Variants in SNX29 observed in about 807,000 individuals in gnomAD.
SNX29 encodes sorting nexin-29.
Under a neutral mutation model 102.1 loss-of-function variants are expected in SNX29, and 78 were observed. The ratio of observed to expected loss-of-function variants is 0.76; its 90% CI spans 0.64 to 0.92. SNX29 has a LOEUF of 0.92. Ranked by LOEUF, SNX29 falls within the 40% of genes least tolerant of loss-of-function variation. SNX29 has a pLI of 0.00. For synonymous variants in SNX29, 580 were observed against 414.5 expected, an observed-to-expected ratio of 1.40 and a Z score of -4.85; for missense variants, 1,280 against 1,061.7, an observed-to-expected ratio of 1.21 and a Z score of -2.86.
chr16:12,500,263 G>T (rs2151890787), intron 19 of SNX29, among the ~76,000 whole-genome samples: 1 of 152,314 alleles, frequency 6.6e-6, no homozygotes, highest in Middle Eastern at 3.4e-3. Flanking sequence ...CTCCCAAAGT[G>T]CTAGGATTAT....
chr16:12,090,772 A>T (rs1264200450), intron 11 of SNX29, among the ~76,000 whole-genome samples: 1 of 152,068 alleles, frequency 6.6e-6, no homozygotes, highest in Non-Finnish European at 1.5e-5. Context: ...GCACTTTGGG[A>T]GGCTGAAGCA....
At chr16:12,103,411 T>C (rs2053100410) in intron 11 of SNX29, among the ~76,000 whole-genome samples, 1 of 152,062 alleles carries the variant, frequency 6.6e-6, no homozygotes, top group Admixed American at 6.6e-5. Flanking sequence ...CAAATGATCT[T>C]TGACAAACCT....
intron 13 of SNX29, among the ~76,000 whole-genome samples, chr16:12,166,521 G>C (rs544132096): frequency 8.3e-4 from 127 of 152,368 alleles, no homozygotes; most frequent in African/African-American, 2.9e-3. Flanking sequence ...GAGTCTTGTA[G>C]TGTGCAGGGG....
intron 14 of SNX29, among the ~76,000 whole-genome samples, chr16:12,226,324 T>C (rs903632113): frequency 2.0e-5 from 3 of 152,182 alleles, no homozygotes; most frequent in African/African-American, 7.2e-5. Flanking sequence ...AGGAGAATGT[T>C]CTTATGATTT....
intron 15 of SNX29, among the ~76,000 whole-genome samples, chr16:12,322,900 G>A: frequency 6.8e-6 from 1 of 146,794 alleles, no homozygotes; most frequent in Admixed American, 6.7e-5. Flanking sequence ...ACCACTGTCA[G>A]GATGCGGTCA....
intron 15 of SNX29, among the ~76,000 whole-genome samples, chr16:12,290,317 C>T (rs1459393482): frequency 6.6e-6 from 1 of 152,156 alleles, no homozygotes; most frequent in Non-Finnish European, 1.5e-5. Flanking sequence ...GGTGTAAGGT[C>T]CCACCTGGAA....
chr16:12,269,903 C>T (rs890599491), intron 14 of SNX29, among the ~76,000 whole-genome samples: 5 of 151,830 alleles, frequency 3.3e-5, no homozygotes, highest in Non-Finnish European at 5.9e-5. Context: ...CTCTGTTGCC[C>T]AGGCTGGAGT....
chr16:12,294,556 G>A (rs1241961704), intron 15 of SNX29, among the ~76,000 whole-genome samples: 1 of 152,136 alleles, frequency 6.6e-6, no homozygotes, highest in Non-Finnish European at 1.5e-5. Flanking sequence ...TAGCATTCTG[G>A]ATGGCTGTGG....
At chr16:12,492,037 A>AT (rs1454328889) in intron 19 of SNX29, among the ~76,000 whole-genome samples, 1 of 152,248 alleles carries the variant, frequency 6.6e-6, no homozygotes, top group East Asian at 1.9e-4. Flanking sequence ...TCCTTTGGGT[A>AT]TATACCCAGT....
At chr16:12,109,119 C>A (rs1451745470) in intron 11 of SNX29, among the ~76,000 whole-genome samples, 5 of 96,152 alleles carry the variant, frequency 5.2e-5, no homozygotes, top group South Asian at 7.8e-4. Context: ...TAGAGTGAGG[C>A]GCTGTCTCAA....
Position 12,568,985 on chromosome 16 carries a change from G to A in SNX29, c.*356G>A, listed in dbSNP as rs578004009. The A allele has an allele frequency of 4.8e-5, 16 of 334,388 alleles. No individual in the cohort carries two copies. The highest frequency in any genetic ancestry group is 2.0e-4 in the East Asian group (4 of 19,542). The allele number at this position is 334,388 out of a possible 1,614,324, so 20.7% of individuals were successfully genotyped here. A position where few individuals can be genotyped will look rare whatever the true frequency, so the allele number is the denominator to read the frequency against. The stretch of plus-strand genomic sequence containing the variant: ...GGGTGCGCCATGGTTGAGAGGCAAA[G>A]GTGATCCCCTATATAGGAAGGTTCA... On this transcript the variant is annotated 3_prime_UTR_variant, in exon 21 of 21. Transcript: ENST00000566228.
intron 16 of SNX29, among the ~76,000 whole-genome samples, chr16:12,382,665 G>T (rs556701899): frequency 6.6e-6 from 1 of 152,350 alleles, no homozygotes; most frequent in South Asian, 2.1e-4. Flanking sequence ...TTTGCTCGCA[G>T]TTCTGGAGGC....
intron 13 of SNX29, among the ~76,000 whole-genome samples, chr16:12,137,185 C>T (rs2054695122): frequency 6.6e-6 from 1 of 152,220 alleles, no homozygotes; most frequent in Non-Finnish European, 1.5e-5. Context: ...ACGGTTACAT[C>T]AGCTGAGGCT....
At chr16:12,404,701 C>T (rs921321907) in intron 18 of SNX29, among the ~76,000 whole-genome samples, 3 of 152,110 alleles carry the variant, frequency 2.0e-5, no homozygotes, top group Admixed American at 6.5e-5. Context: ...AACTTGAAAG[C>T]GGAATCCCTG....
At chr16:12,436,019 G>T (rs1419425137) in intron 18 of SNX29, among the ~76,000 whole-genome samples, 2 of 152,218 alleles carry the variant, frequency 1.3e-5, no homozygotes, top group East Asian at 1.9e-4. Context: ...CTTGCTCCTG[G>T]GGCAGCTGCT....
At chr16:12,303,919 A>G (rs1055885664) in intron 15 of SNX29, among the ~76,000 whole-genome samples, 2 of 152,066 alleles carry the variant, frequency 1.3e-5, no homozygotes, top group Non-Finnish European at 2.9e-5. Context: ...CTATTCCCCC[A>G]GCTGAGCCTG....
chr16:12,550,524 C>CA (rs2077904955), intron 20 of SNX29, among the ~76,000 whole-genome samples: 1 of 110,196 alleles, frequency 9.1e-6, no homozygotes, highest in Non-Finnish European at 1.8e-5. Flanking sequence ...GACACAGTCT[C>CA]AATCTACAAA....
chr16:12,437,631 C>T (rs539484526), intron 18 of SNX29, among the ~76,000 whole-genome samples: 1 of 152,300 alleles, frequency 6.6e-6, no homozygotes, highest in African/African-American at 2.4e-5. Flanking sequence ...ACCCTGGCTC[C>T]TTCCCCACCC....
At chr16:12,500,829 T>G (rs1463005738) in intron 19 of SNX29, among the ~76,000 whole-genome samples, 1 of 152,228 alleles carries the variant, frequency 6.6e-6, no homozygotes, top group Non-Finnish European at 1.5e-5. Context: ...GTGTCATTTT[T>G]GCAGTTGCTA....
Sources: gnomAD v4.1 joint callset for allele counts (sites outside exome capture counted in the v4.1 genomes callset) on GRCh38, gnomAD v4.1.1 for gene constraint, MANE v1.5 for transcripts, NCBI Gene and HGNC (gene_info 2026-07-23, HGNC 2026-07-21) for gene names.